The following STAM variants were observed in gnomAD, a reference collection of about 807,000 sequenced individuals.
STAM encodes signal transducing adapter molecule 1.
STAM carries 16 observed loss-of-function variants against 63.4 expected under a neutral mutation model. The observed-to-expected ratio is 0.25, with a 90% CI of 0.17 to 0.38. The LOEUF is 0.38. STAM is among the 10% of genes least tolerant of loss of function. The pLI, the probability that STAM is intolerant of heterozygous loss-of-function variation, is 1.00. For synonymous variants in STAM, 238 were observed against 223.9 expected (o/e 1.06, Z -0.56); for missense variants, 636 against 657.1 (o/e 0.97, Z 0.35).
At position 17,645,473 on chromosome 10, in the gene STAM, A is replaced by AT. The variant is rs1833484027; in HGVS notation, c.40+1094_40+1095insT. 4.6e-5 allele frequency among the ~76,000 whole-genome samples: 7 copies of AT among 152,196 alleles called. 1 individual carries two copies. In the South Asian group the frequency reaches 1.4e-3, roughly 31 times the overall value. On this transcript the variant is annotated intron_variant, in intron 1 of 13. Coordinates refer to ENST00000377524, the MANE Select transcript of STAM (RefSeq NM_003473.4). ...CCTTACCTCTGCCACTTCTCAGCTCACGGTGAAATCATAGGCAAGTTAAAT... is the reference window on the plus strand; with the variant it reads ...CCTTACCTCTGCCACTTCTCAGCTCATCGGTGAAATCATAGGCAAGTTAAAT...
intron 5 of STAM, among the ~76,000 whole-genome samples, chr10:17,689,119 A>ATGT (rs1307651836): frequency 2.6e-5 from 4 of 152,202 alleles, no homozygotes; most frequent in African/African-American, 9.7e-5. Flanking sequence ...AATTTATGTC[A>ATGT]TGTAGAAAAA....
At chr10:17,676,965 A>T (rs1030510336) in intron 2 of STAM, among the ~76,000 whole-genome samples, 2 of 152,188 alleles carry the variant, frequency 1.3e-5, no homozygotes, top group African/African-American at 2.4e-5. Flanking sequence ...TTAAAAATGC[A>T]TAGGACAGAA....
intron 2 of STAM, among the ~76,000 whole-genome samples, chr10:17,663,335 T>A (rs1272985542): frequency 6.6e-6 from 1 of 152,158 alleles, no homozygotes; most frequent in Non-Finnish European, 1.5e-5. Flanking sequence ...TTTAGACACA[T>A]GCTCATTTTT....
chr10:17,669,039 C>G (rs1307132875), intron 2 of STAM, among the ~76,000 whole-genome samples: 3 of 152,152 alleles, frequency 2.0e-5, no homozygotes, highest in Non-Finnish European at 4.4e-5. Flanking sequence ...ACCAGACTGT[C>G]CCCACAGTCT....
intron 2 of STAM, among the ~76,000 whole-genome samples, chr10:17,681,757 G>T (rs1835096179): frequency 6.6e-6 from 1 of 152,218 alleles, no homozygotes; most frequent in South Asian, 2.1e-4. Context: ...TCTTGTTAGT[G>T]CCTATTACTG....
chr10:17,701,785 C>T (rs1025338534), intron 9 of STAM, among the ~76,000 whole-genome samples: 1 of 152,100 alleles, frequency 6.6e-6, no homozygotes, highest in Non-Finnish European at 1.5e-5. Context: ...TTACCGCTTG[C>T]CCGTAGTGAA....
intron 5 of STAM, among the ~76,000 whole-genome samples, chr10:17,689,565 C>G (rs1245304072): frequency 1.3e-5 from 2 of 152,152 alleles, no homozygotes; most frequent in Admixed American, 6.5e-5. Context: ...TTTTACTACT[C>G]AGTATAGTTT....
At chr10:17,677,360 T>G (rs1834898643) in intron 2 of STAM, among the ~76,000 whole-genome samples, 1 of 152,214 alleles carries the variant, frequency 6.6e-6, no homozygotes, top group Non-Finnish European at 1.5e-5. Flanking sequence ...GTAAAGAAAG[T>G]ATACAGGATT....
At chr10:17,678,904 T>C (rs1419091044) in intron 2 of STAM, among the ~76,000 whole-genome samples, 19 of 152,240 alleles carry the variant, frequency 1.2e-4, no homozygotes, top group African/African-American at 3.1e-4. Context: ...GTCAGACTTA[T>C]TTCACTTAGC....
intron 2 of STAM, among the ~76,000 whole-genome samples, chr10:17,666,485 G>T (rs915410275): frequency 2.1e-5 from 3 of 142,962 alleles, no homozygotes; most frequent in African/African-American, 7.8e-5. Context: ...AGCTCCGCCT[G>T]CCGGGTTCAC....
At chr10:17,684,794 C>T in intron 3 of STAM, 38 bp from the exon 4 acceptor site, 1 of 1,613,336 alleles carries the variant, frequency 6.2e-7, no homozygotes, top group Non-Finnish European at 8.5e-7. Flanking sequence ...TTACCTGCCA[C>T]AATTGAGCCC....
At chr10:17,646,231 T>C (rs1421854830) in intron 1 of STAM, among the ~76,000 whole-genome samples, 3 of 152,216 alleles carry the variant, frequency 2.0e-5, no homozygotes, top group African/African-American at 7.2e-5. Flanking sequence ...CAGGTAAATA[T>C]CTTTGTCATA....
At chr10:17,653,412 T>C (rs577787728) in intron 1 of STAM, among the ~76,000 whole-genome samples, 4 of 152,368 alleles carry the variant, frequency 2.6e-5, no homozygotes, top group African/African-American at 9.6e-5. Context: ...CTCTGAACAC[T>C]GAAGCTCAGT....
intron 1 of STAM, among the ~76,000 whole-genome samples, chr10:17,659,125 T>G (rs1589032750): frequency 6.6e-6 from 1 of 151,982 alleles, no homozygotes; most frequent in Admixed American, 6.6e-5. Flanking sequence ...CTTTTTTTTT[T>G]AGTAATTGCC....
chr10:17,693,442 C>A, intron 6 of STAM, 130 bp downstream of exon 6: 1 of 665,132 alleles, frequency 1.5e-6, no homozygotes. Context: ...CCTCAGTATT[C>A]TTTGCTTTAC....
intron 12 of STAM, among the ~76,000 whole-genome samples, chr10:17,706,426 T>C (rs1227816947): frequency 7.9e-6 from 1 of 127,256 alleles, no homozygotes; most frequent in Admixed American, 1.0e-4. Flanking sequence ...TGGCCCAGGC[T>C]GGAGTGCAGT....
chr10:17,714,939 A>C lies in STAM; in HGVS notation c.*159A>C. The C allele has an allele frequency of 1.4e-6, 1 of 697,970 alleles. No individual in the cohort carries two copies. The highest frequency in any genetic ancestry group is 2.4e-6 in the Non-Finnish European group (1 of 417,852). 43.2% of individuals were successfully genotyped at this position (697,970 alleles called of 1,614,324 possible). ...GAAGGTAGAACTCTCCTCAATTTAC[A>C]CTGACTTTTTAGAGGTTCTTCCCCC... is the stretch of plus-strand genomic sequence containing the variant. On this transcript the variant is annotated 3_prime_UTR_variant, in exon 14 of 14. Coordinates refer to ENST00000377524, the MANE Select transcript of STAM (RefSeq NM_003473.4).
At chr10:17,679,075 T>C (rs1372293128) in intron 2 of STAM, among the ~76,000 whole-genome samples, 1 of 152,204 alleles carries the variant, frequency 6.6e-6, no homozygotes, top group Non-Finnish European at 1.5e-5. Context: ...AACATGGGTG[T>C]ACGGATATTG....
intron 1 of STAM, among the ~76,000 whole-genome samples, chr10:17,655,875 A>G (rs1554822071): frequency 6.6e-6 from 1 of 152,076 alleles, no homozygotes; most frequent in Non-Finnish European, 1.5e-5. Context: ...AAGACTGGTT[A>G]CCCTCTGCTT....
Sources: gnomAD v4.1 joint callset for allele counts (sites outside exome capture counted in the v4.1 genomes callset) on GRCh38, gnomAD v4.1.1 for gene constraint, MANE v1.5 for transcripts, NCBI Gene and HGNC (gene_info 2026-07-23, HGNC 2026-07-21) for gene names.